ATP2B2: variants seen among roughly 807,000 people sequenced by gnomAD.
ATP2B2 encodes the protein ATPase plasma membrane Ca2+ transporting 2, also known as plasma membrane calcium-transporting ATPase 2.
In ATP2B2, 15 loss-of-function variants were observed where a neutral mutation model predicts 120.0. That is an observed-to-expected ratio of 0.12 (90% confidence interval 0.08 to 0.19). The LOEUF is 0.19. ATP2B2 is among the 10% of genes least tolerant of loss of function. The probability of loss-of-function intolerance (pLI) is 1.00; values close to 1 mark genes in which losing one functional copy is unlikely to be tolerated. For synonymous variants in ATP2B2, 694 were observed against 700.3 expected (o/e 0.99, Z 0.14); for missense variants, 1,045 against 1,719.8 (o/e 0.61, Z 6.94).
Position 10,340,254 on chromosome 3 carries a change from G to A in ATP2B2, c.3225C>T (p.Leu1075=), listed in dbSNP as rs771742992. The change falls in exon 21 of 23, where the codon CTC becomes CTT. Residue 1075 remains leucine, a synonymous_variant. Transcript: ENST00000360273. The surrounding 1 kb of genome is among the most constrained non-coding windows in gnomAD (Gnocchi z 5.0). ...ACCAGGAACTTACCTGGCCCCAAAC[G>A]AGCTCTCCTAACCCAATGAATATGC... ...MWCIFIGLGE[L]VWGQVIATIP... is the part of the protein sequence containing the mutation. 5.0e-6 allele frequency: 8 copies of A among 1,613,982 alleles called. No homozygotes were observed. Among genetic ancestry groups the A allele is most frequent in the African/African-American group, 2.7e-5 (2 of 74,942 alleles).
intron 2 of ATP2B2, among the ~76,000 whole-genome samples, chr3:10,578,988 G>A (rs1424429496): frequency 6.6e-6 from 1 of 152,228 alleles, no homozygotes; most frequent in African/African-American, 2.4e-5. Flanking sequence ...TATTGGTCAT[G>A]CATGTAGAAA....
intron 2 of ATP2B2, among the ~76,000 whole-genome samples, chr3:10,587,391 T>C (rs1239110667): frequency 1.3e-5 from 2 of 151,940 alleles, no homozygotes; most frequent in Non-Finnish European, 2.9e-5. Context: ...AATTTATTTT[T>C]ATTTATTTAT....
chr3:10,554,760 G>A (rs966578248), intron 2 of ATP2B2, among the ~76,000 whole-genome samples: 2 of 152,172 alleles, frequency 1.3e-5, no homozygotes, highest in African/African-American at 4.8e-5. Flanking sequence ...CCAGAAGCAG[G>A]GCCTTGAAGA....
At chr3:10,336,184 C>T in intron 22 of ATP2B2, 1 of 1,550,680 alleles carries the variant, frequency 6.4e-7, no homozygotes, top group African/African-American at 1.4e-5. Context: ...TGGACAACGA[C>T]ACGCGACTAG....
chr3:10,586,226 C>T (rs1199954518), intron 2 of ATP2B2, among the ~76,000 whole-genome samples: 1 of 152,202 alleles, frequency 6.6e-6, no homozygotes, highest in African/African-American at 2.4e-5. Flanking sequence ...CATTGTCCCA[C>T]ATCTGTAACC....
chr3:10,471,364 C>CTGTGTGTG lies in ATP2B2; in HGVS notation c.-319-21510_-319-21503dup, dbSNP rs58583936. ...TGGTTTTAAAAGGGGTTCAGGAAAC[C>CTGTGTGTG]TGTGTGTGTGTGTGTGTGTGTGTGT... On this transcript the variant is annotated intron_variant, in intron 1 of 22. Transcript: ENST00000360273. Among the ~76,000 whole-genome samples the CTGTGTGTG allele has an allele frequency of 8.8e-4, 133 of 150,464 alleles. 1 individual carries two copies. Among genetic ancestry groups the CTGTGTGTG allele is most frequent in the African/African-American group, 2.9e-3 (119 of 41,020 alleles).
At chr3:10,593,865 C>T (rs1223198995) in intron 2 of ATP2B2, among the ~76,000 whole-genome samples, 1 of 146,860 alleles carries the variant, frequency 6.8e-6, no homozygotes, top group African/African-American at 2.5e-5. Context: ...AACAAATTTA[C>T]AAGAAAAAAA....
At chr3:10,592,197 A>G (rs984208605) in intron 2 of ATP2B2, among the ~76,000 whole-genome samples, 1 of 152,236 alleles carries the variant, frequency 6.6e-6, no homozygotes, top group Admixed American at 6.5e-5. Flanking sequence ...TCAGCTTAGG[A>G]GGCCAGGACT....
intron 2 of ATP2B2, among the ~76,000 whole-genome samples, chr3:10,420,713 TACAGAGTTAAACGAGGTCGC>T (rs2062949128): frequency 3.9e-5 from 6 of 152,296 alleles, no homozygotes; most frequent in African/African-American, 1.4e-4. Context: ...GTGCCTGCCA[TACAGAGTTAAACGAGGTCGC>T]ATCTGGGCAC....
Position 10,334,291 on chromosome 3 carries a change from G to A in ATP2B2, c.3420+3885C>T, listed in dbSNP as rs3774197. ...AGACTGCTAGCAGGCAGCCCCAGCC[G>A]GAGGGCCGCAGGAGTCATCGGGAGG... On this transcript the variant is annotated intron_variant, in intron 22 of 22. Transcript: ENST00000360273. Among the ~76,000 whole-genome samples the A allele has an allele frequency of 4.6e-5, 7 of 152,240 alleles. No homozygotes were observed. The East Asian group carries it at 7.7e-4, about 17-fold the overall frequency.
intron 1 of ATP2B2, among the ~76,000 whole-genome samples, chr3:10,658,346 G>A (rs6442190): frequency 0.22 from 33,573 of 152,010 alleles, 6,212 homozygotes; most frequent in African/African-American, 0.5. Flanking sequence ...AAAACCTTGA[G>A]AAAAGATTAG....
chr3:10,406,141 C>A (rs2062402404), intron 3 of ATP2B2, among the ~76,000 whole-genome samples: 1 of 152,226 alleles, frequency 6.6e-6, no homozygotes, highest in African/African-American at 2.4e-5. Flanking sequence ...AGTGATATAG[C>A]CAGGACTCAA....
chr3:10,474,147 G>C (rs1046873350), intron 1 of ATP2B2, among the ~76,000 whole-genome samples: 3 of 152,092 alleles, frequency 2.0e-5, no homozygotes, highest in African/African-American at 7.2e-5. Context: ...GGAACCAGTA[G>C]GCTGATAACC....
rs536347010 is a variant in ATP2B2, at chr3:10,534,838, T to C, written c.-414-705A>G. 2.6e-5 allele frequency among the ~76,000 whole-genome samples: 4 copies of C among 151,780 alleles called. No homozygotes were observed. In the East Asian group the frequency reaches 7.7e-4, roughly 29 times the overall value. ...CAGCAGCAGAGGGCACTGGATGCTA[T>C]AGGGCTCCCTATCAGCTTCCTTCTC... On this transcript the variant is annotated intron_variant, in intron 2 of 21. Coordinates refer to the ATP2B2 transcript ENST00000646379.
intron 1 of ATP2B2, among the ~76,000 whole-genome samples, chr3:10,669,292 G>A (rs2071031206): frequency 2.0e-5 from 3 of 152,134 alleles, no homozygotes; most frequent in Admixed American, 2.0e-4. Context: ...CCCTGAGCAG[G>A]GCATGACTGG....
upstream of ATP2B2, among the ~76,000 whole-genome samples, chr3:10,505,837 C>G (rs1380548284): frequency 6.6e-6 from 1 of 150,596 alleles, no homozygotes; most frequent in Non-Finnish European, 1.5e-5. Flanking sequence ...CTGTTGTTTG[C>G]GGTTTTAATT....
chr3:10,436,630 C>G (rs776192741), intron 2 of ATP2B2, among the ~76,000 whole-genome samples: 13 of 152,228 alleles, frequency 8.5e-5, no homozygotes, highest in Non-Finnish European at 1.9e-4. Flanking sequence ...CCTGCATGTC[C>G]CCGTTTCCTT....
chr3:10,594,369 A>G (rs940926198), intron 2 of ATP2B2, among the ~76,000 whole-genome samples: 8 of 152,172 alleles, frequency 5.3e-5, no homozygotes, highest in African/African-American at 1.9e-4. Flanking sequence ...CATATACACC[A>G]TGGAATACTA....
intron 1 of ATP2B2, among the ~76,000 whole-genome samples, chr3:10,685,440 G>A (rs1001887296): frequency 6.6e-6 from 1 of 152,170 alleles, no homozygotes; most frequent in Non-Finnish European, 1.5e-5. Context: ...TCCAGCTGAG[G>A]TGTCTCCAGT....
Sources: allele counts gnomAD v4.1 joint callset (sites outside exome capture counted in the v4.1 genomes callset), GRCh38; gene constraint gnomAD v4.1.1; non-coding constraint Gnocchi (gnomAD v3.1); transcripts MANE v1.5; gene names NCBI Gene and HGNC (gene_info 2026-07-23, HGNC 2026-07-21).